KIF26B: variants seen among roughly 807,000 people sequenced by gnomAD.
The protein encoded by KIF26B is kinesin family member 26B.
Under a neutral mutation model 151.2 loss-of-function variants are expected in KIF26B, and 63 were observed. The ratio of observed to expected loss-of-function variants is 0.42; its 90% confidence interval spans 0.34 to 0.51. The LOEUF (loss-of-function observed/expected upper bound fraction) is 0.51, where lower values mean the gene tolerates loss of function less well. KIF26B is among the 20% of genes least tolerant of loss of function. The probability of loss-of-function intolerance (pLI) is 0.07; values close to 1 mark genes in which losing one functional copy is unlikely to be tolerated. For synonymous variants in KIF26B, 1,357 were observed against 1,262.1 expected (o/e 1.08, Z -1.59); for missense variants, 2,813 against 2,913.6 (o/e 0.97, Z 0.79).
chr1:245,246,784 G>A (rs3008476), intron 2 of KIF26B, among the ~76,000 whole-genome samples: 124,807 of 151,906 alleles, frequency 0.82, 51,604 homozygotes, highest in South Asian at 0.87. Flanking sequence ...GAATTCCAGC[G>A]TATGCAGAGC....
At chr1:245,533,629 A>G (rs1661426206) in intron 4 of KIF26B, among the ~76,000 whole-genome samples, 1 of 152,188 alleles carries the variant, frequency 6.6e-6, no homozygotes, top group African/African-American at 2.4e-5. Flanking sequence ...TAATTTTTAA[A>G]AGATTGCTAG....
chr1:245,330,635 A>G (rs1275222751), intron 2 of KIF26B, among the ~76,000 whole-genome samples: 1 of 4,234 alleles, frequency 2.4e-4, no homozygotes. Flanking sequence ...TGGGGGAGGG[A>G]GAGTGGGGGA....
chr1:245,334,568 C>T (rs1171040565), intron 2 of KIF26B, among the ~76,000 whole-genome samples: 1 of 152,194 alleles, frequency 6.6e-6, no homozygotes, highest in Non-Finnish European at 1.5e-5. Context: ...CAGGAGCCTT[C>T]AGAAGAGTGA....
chr1:245,229,721 A>G (rs561895909), intron 2 of KIF26B, among the ~76,000 whole-genome samples: 2 of 152,366 alleles, frequency 1.3e-5, no homozygotes, highest in African/African-American at 4.8e-5. Context: ...TCTGTAAGCA[A>G]AGTAATACTT....
intron 9 of KIF26B, among the ~76,000 whole-genome samples, 199 bp from the exon 10 acceptor site, chr1:245,645,922 G>C (rs143134130): frequency 2.0e-5 from 3 of 152,206 alleles, no homozygotes; most frequent in Non-Finnish European, 4.4e-5. Flanking sequence ...TCAGTGGTGC[G>C]TGGTGGAAAG....
intron 5 of KIF26B, among the ~76,000 whole-genome samples, chr1:245,584,633 A>C (rs892951521): frequency 6.6e-6 from 1 of 152,168 alleles, no homozygotes; most frequent in Admixed American, 6.5e-5. Context: ...TGAATTGTTT[A>C]TTTGAGGAAA....
intron 2 of KIF26B, among the ~76,000 whole-genome samples, chr1:245,350,487 CA>C (rs1239832063): frequency 6.6e-6 from 1 of 152,160 alleles, no homozygotes; most frequent in Non-Finnish European, 1.5e-5. Context: ...CATCCCAGTG[CA>C]AAGTGTCCTT....
chr1:245,684,177 T>C (rs2044476042), intron 10 of KIF26B, 56 bp from the exon 11 acceptor site: 13 of 1,576,854 alleles, frequency 8.2e-6, no homozygotes, highest in Non-Finnish European at 1.1e-5. Context: ...AGCCCTGCCC[T>C]GAGGGCCACA....
At chr1:245,510,973 C>T in intron 4 of KIF26B, 1 of 649,252 alleles carries the variant, frequency 1.5e-6, no homozygotes, top group Non-Finnish European at 2.8e-6. Flanking sequence ...CCAGCCTTTC[C>T]TCCTTCACCT....
At chr1:245,539,910 C>T (rs1661573687) in intron 4 of KIF26B, among the ~76,000 whole-genome samples, 1 of 152,180 alleles carries the variant, frequency 6.6e-6, no homozygotes, top group Admixed American at 6.5e-5. Flanking sequence ...GCCTCGGCCT[C>T]CCAAAGTGCT....
intron 10 of KIF26B, among the ~76,000 whole-genome samples, chr1:245,671,478 G>A (rs1407564867): frequency 6.6e-6 from 1 of 152,198 alleles, no homozygotes; most frequent in Non-Finnish European, 1.5e-5. Context: ...GGGGCCGGGG[G>A]AGTAGGGAGT....
At chr1:245,423,784 A>C (rs1658556070) in intron 4 of KIF26B, among the ~76,000 whole-genome samples, 1 of 152,172 alleles carries the variant, frequency 6.6e-6, no homozygotes. Flanking sequence ...TCATTCATGC[A>C]GATGTCCACT....
chr1:245,451,948 A>G (rs889303927), intron 4 of KIF26B, among the ~76,000 whole-genome samples: 1 of 152,190 alleles, frequency 6.6e-6, no homozygotes, highest in Non-Finnish European at 1.5e-5. Context: ...AATACATTTA[A>G]CCTAAGATAT....
At chr1:245,177,692 G>GTGTCTT (rs1668834991) in intron 2 of KIF26B, among the ~76,000 whole-genome samples, 1 of 142,528 alleles carries the variant, frequency 7.0e-6, no homozygotes, top group African/African-American at 2.7e-5. Flanking sequence ...GTGTGTGTGT[G>GTGTCTT]TGTCTTTCCC....
intron 4 of KIF26B, among the ~76,000 whole-genome samples, chr1:245,461,044 A>G (rs907865970): frequency 6.6e-6 from 1 of 152,292 alleles, no homozygotes; most frequent in Admixed American, 6.5e-5. Flanking sequence ...CTGGGGTGTA[A>G]TCTTCCTTCC....
chr1:245,691,459 CATGATGGATGTGGCAGTGG>C (rs1290311857), intron 12 of KIF26B, among the ~76,000 whole-genome samples: 1 of 152,196 alleles, frequency 6.6e-6, no homozygotes, highest in East Asian at 1.9e-4. Context: ...ATCCAGGCTC[CATGATGGATGTGGCAGTGG>C]AGATGTGCTG....
intron 3 of KIF26B, among the ~76,000 whole-genome samples, chr1:245,405,415 C>G (rs529556751): frequency 6.6e-5 from 10 of 152,224 alleles, no homozygotes; most frequent in Admixed American, 5.9e-4. Context: ...GAGAAAGATG[C>G]CTGAGAGTGT....
chr1:245,279,394 A>T (rs1670997819), intron 2 of KIF26B, among the ~76,000 whole-genome samples: 1 of 150,782 alleles, frequency 6.6e-6, no homozygotes, highest in African/African-American at 2.4e-5. Context: ...TAATGCCTTA[A>T]ATTCCTGGGC....
rs1429479936 is a variant in KIF26B, at chr1:245,627,950, A to C, written c.2098+15974A>C. ...AACCAGGAAGAAGTCAAATCCCTGA[A>C]TAGACCAATAACGAGTTCTGAAATT... On this transcript the variant is annotated intron_variant, in intron 9 of 14. Coordinates refer to ENST00000407071, the MANE Select transcript of KIF26B (RefSeq NM_018012.4). Among the ~76,000 whole-genome samples the C allele has an allele frequency of 2.6e-5, 4 of 152,354 alleles. No homozygotes were observed. In the East Asian group the frequency reaches 5.8e-4, roughly 22 times the overall value.
Sources: allele counts gnomAD v4.1 joint callset (sites outside exome capture counted in the v4.1 genomes callset), GRCh38; gene constraint gnomAD v4.1.1; transcripts MANE v1.5; gene names NCBI Gene and HGNC (gene_info 2026-07-23, HGNC 2026-07-21).